TAFA5: variants seen among roughly 807,000 people sequenced by gnomAD.
TAFA5 encodes chemokine-like protein TAFA-5.
Under a neutral mutation model 15.3 loss-of-function variants are expected in TAFA5, and 6 were observed. The ratio of observed to expected loss-of-function variants is 0.39; its 90% CI spans 0.21 to 0.77. The LOEUF (loss-of-function observed/expected upper bound fraction) is 0.77, where lower values mean the gene tolerates loss of function less well. Among genes scored for constraint, TAFA5 ranks in the 30% least tolerant of loss-of-function variants. The pLI is 0.41. For missense variants in TAFA5, 161 were observed against 193.1 expected, an observed-to-expected ratio of 0.83 and a Z score of 0.98; for synonymous variants, 103 against 80.7, an observed-to-expected ratio of 1.28 and a Z score of -1.48.
chr22:48,576,712 C>T lies in TAFA5; in HGVS notation c.113-69885C>T, dbSNP rs961388104. 11 of 1,042,662 alleles carry T rather than the reference C, an allele frequency of 1.1e-5. No individual in the cohort carries two copies. The African/African-American group carries it at 1.3e-4, about 13-fold the overall frequency. 64.6% of individuals were successfully genotyped at this position (1,042,662 alleles called of 1,614,324 possible). A position where few individuals can be genotyped will look rare whatever the true frequency, so the allele number is the denominator to read the frequency against. On this transcript the variant is annotated intron_variant, in intron 1 of 3. Coordinates refer to ENST00000402357, the MANE Select transcript of TAFA5 (RefSeq NM_001082967.3). Reference sequence around the variant, plus strand: ...GTGGAGCGCCACTGCGGGCCCGGAGCGGCCGGCGGCGCGACCCTACCAGGA... The same window carrying T: ...GTGGAGCGCCACTGCGGGCCCGGAGTGGCCGGCGGCGCGACCCTACCAGGA...
rs1005830411 is a variant in TAFA5 at position 48,566,272 on chromosome 22, A to T, written c.112+76568A>T. ...TAGGTAGATGGATGATGGGTGATGA[A>T]TGTATGATGGGTGGATGAAAGATGG... On this transcript the variant is annotated intron_variant, in intron 1 of 3. Transcript: ENST00000402357. The surrounding 1 kb of genome is among the most constrained non-coding windows in gnomAD (Gnocchi z 4.5). Among the ~76,000 whole-genome samples the T allele has an allele frequency of 6.8e-6, 1 of 146,250 alleles. No homozygotes were observed. The highest frequency in any genetic ancestry group is 2.6e-5 in the African/African-American group (1 of 39,100).
intron 1 of TAFA5, among the ~76,000 whole-genome samples, chr22:48,585,623 A>G (rs1313529497): frequency 6.6e-6 from 1 of 151,614 alleles, no homozygotes; most frequent in African/African-American, 2.4e-5. Context: ...AATACACCAC[A>G]CACACTAGAC....
At chr22:48,690,429 C>A (rs1928503236) in intron 2 of TAFA5, among the ~76,000 whole-genome samples, 1 of 152,118 alleles carries the variant, frequency 6.6e-6, no homozygotes, top group Non-Finnish European at 1.5e-5. Flanking sequence ...GCCTGTGTGC[C>A]CAGTGTGCAG....
chr22:48,705,797 A>G (rs1043642563), intron 2 of TAFA5, among the ~76,000 whole-genome samples: 1 of 152,268 alleles, frequency 6.6e-6, no homozygotes, highest in Middle Eastern at 3.2e-3. Flanking sequence ...GTGTGCACAC[A>G]CGTGCATTTG....
At chr22:48,611,424 G>A (rs899815218) in intron 1 of TAFA5, among the ~76,000 whole-genome samples, 6 of 152,178 alleles carry the variant, frequency 3.9e-5, no homozygotes, top group Admixed American at 2.6e-4. Flanking sequence ...ATGTCAGCCC[G>A]GATGGGGCAG....
At chr22:48,495,613 G>A (rs547438191) in intron 1 of TAFA5, among the ~76,000 whole-genome samples, 25 of 152,242 alleles carry the variant, frequency 1.6e-4, no homozygotes, top group African/African-American at 6.0e-4. Flanking sequence ...CACCCAGCCG[G>A]CATGTCCATT....
intron 1 of TAFA5, among the ~76,000 whole-genome samples, chr22:48,594,698 A>T (rs938555453): frequency 6.6e-6 from 1 of 152,102 alleles, no homozygotes; most frequent in African/African-American, 2.4e-5. Context: ...CCAGACTGCC[A>T]CTCAGTGGTC....
At chr22:48,588,765 G>T (rs1053465033) in intron 1 of TAFA5, among the ~76,000 whole-genome samples, 3 of 152,128 alleles carry the variant, frequency 2.0e-5, no homozygotes, top group Non-Finnish European at 2.9e-5. Context: ...CAGTGCCTTC[G>T]GGGATGCTCC....
intron 2 of TAFA5, among the ~76,000 whole-genome samples, chr22:48,678,069 A>T (rs1724397329): frequency 6.6e-6 from 1 of 152,014 alleles, no homozygotes; most frequent in Admixed American, 6.5e-5. Context: ...TGATGTCAGC[A>T]GCTCCCTGAC....
At chr22:48,703,052 T>C (rs1419307829) in intron 2 of TAFA5, among the ~76,000 whole-genome samples, 1 of 152,152 alleles carries the variant, frequency 6.6e-6, no homozygotes, top group Non-Finnish European at 1.5e-5. Flanking sequence ...TACATATCTG[T>C]GTGTGTGCAT....
At chr22:48,731,980 C>T (rs990787719) in intron 3 of TAFA5, among the ~76,000 whole-genome samples, 12 of 152,178 alleles carry the variant, frequency 7.9e-5, no homozygotes, top group South Asian at 2.1e-4. Flanking sequence ...CCATTCTAGA[C>T]GTCATTAAGA....
chr22:48,692,544 C>T (rs1928575200), intron 2 of TAFA5, among the ~76,000 whole-genome samples: 1 of 152,194 alleles, frequency 6.6e-6, no homozygotes, highest in Admixed American at 6.5e-5. Flanking sequence ...GATCACAGGC[C>T]TGAGCCACCA....
chr22:48,582,344 C>T (rs1924082515), intron 1 of TAFA5, among the ~76,000 whole-genome samples: 1 of 150,188 alleles, frequency 6.7e-6, no homozygotes, highest in Non-Finnish European at 1.5e-5. Context: ...ACAAAATACA[C>T]CACACACAAA....
intron 1 of TAFA5, among the ~76,000 whole-genome samples, chr22:48,540,462 C>G (rs1404072033): frequency 6.6e-6 from 1 of 152,184 alleles, no homozygotes; most frequent in African/African-American, 2.4e-5. Context: ...CCTCTCTGCT[C>G]CAGTCCCTGG....
chr22:48,723,185 G>A (rs961253975), intron 3 of TAFA5, among the ~76,000 whole-genome samples: 7 of 152,162 alleles, frequency 4.6e-5, no homozygotes, highest in African/African-American at 1.2e-4. Flanking sequence ...CCAGATAGCA[G>A]CACACAGGAT....
intron 3 of TAFA5, among the ~76,000 whole-genome samples, chr22:48,735,089 G>A (rs113879070): frequency 1.8e-4 from 28 of 152,282 alleles, no homozygotes; most frequent in African/African-American, 6.3e-4. Flanking sequence ...CATTCATTCC[G>A]ACAGCTGCCC....
intron 1 of TAFA5, among the ~76,000 whole-genome samples, chr22:48,592,617 C>G (rs1924611712): frequency 6.6e-6 from 1 of 152,204 alleles, no homozygotes; most frequent in South Asian, 2.1e-4. Flanking sequence ...CCTCTGCGCT[C>G]TGCCTGTCTG....
intron 2 of TAFA5, among the ~76,000 whole-genome samples, chr22:48,674,091 C>A (rs1456629311): frequency 6.6e-6 from 1 of 152,180 alleles, no homozygotes; most frequent in Non-Finnish European, 1.5e-5. Context: ...CTTCGCCCAT[C>A]TCACATCTAG....
chr22:48,730,194 C>T (rs962456920), intron 3 of TAFA5, among the ~76,000 whole-genome samples: 3 of 152,150 alleles, frequency 2.0e-5, no homozygotes, highest in African/African-American at 7.2e-5. Flanking sequence ...ACCATCCTGG[C>T]CAACCTGGTG....
Sources: allele counts gnomAD v4.1 joint callset (sites outside exome capture counted in the v4.1 genomes callset), GRCh38; gene constraint gnomAD v4.1.1; non-coding constraint Gnocchi (gnomAD v3.1); transcripts MANE v1.5; gene names NCBI Gene and HGNC (gene_info 2026-07-23, HGNC 2026-07-21).